The following FOXO3 variants were observed in gnomAD, a reference collection of about 807,000 sequenced individuals.
FOXO3 encodes the protein forkhead box O3.
In FOXO3, 4 loss-of-function variants were observed where a neutral mutation model predicts 41.9. The ratio of observed to expected loss-of-function variants is 0.10; its 90% confidence interval spans 0.05 to 0.22. FOXO3 has a LOEUF of 0.22. Ranked by LOEUF, FOXO3 falls within the 10% of genes least tolerant of loss-of-function variation. The pLI is 1.00. For missense variants in FOXO3, 534 were observed against 906.8 expected, an observed-to-expected ratio of 0.59 and a Z score of 5.28; for synonymous variants, 318 against 389.3, an observed-to-expected ratio of 0.82 and a Z score of 2.16.
At chr6:108,590,638 A>G (rs1776709934) in intron 1 of FOXO3, among the ~76,000 whole-genome samples, 1 of 152,184 alleles carries the variant, frequency 6.6e-6, no homozygotes, top group Non-Finnish European at 1.5e-5. Flanking sequence ...GGTAATTTGG[A>G]TGAGGGATAC....
chr6:108,656,671 T>C (rs1778697483), intron 1 of FOXO3: 1 of 199,368 alleles, frequency 5.0e-6, no homozygotes, highest in Admixed American at 6.5e-5. Flanking sequence ...AGCCAAGAGA[T>C]AGTCAAAGAA....
chr6:108,583,257 G>A (rs187463904), intron 1 of FOXO3, among the ~76,000 whole-genome samples: 70 of 152,288 alleles, frequency 4.6e-4, no homozygotes, highest in African/African-American at 1.7e-3. Flanking sequence ...TGGTGTGGGG[G>A]CATTCGGTGA....
Position 108,561,554 on chromosome 6 carries a change from G to A in FOXO3, c.346G>A (p.Ala116Thr). Reference protein sequence around the residue: ...QDPGSGPATAAGGLSGGTQAL... With the variant: ...QDPGSGPATATGGLSGGTQAL... ...CCCCGGGTCTGGGCCAGCCACCGCG[G>A]CGGGCGGGCTGAGCGGGGGTACACA... The change falls in exon 1 of 3, where the codon GCG becomes ACG. Residue 116 changes from alanine to threonine, a missense_variant. Ala to Thr is a moderately conservative substitution (Grantham distance 58, BLOSUM62 0). Around this residue, in one of 8 missense-constraint regions of FOXO3, gnomAD observed 139 missense variants for 163.7 expected, o/e 0.85. Transcript: ENST00000406360. 2.8e-6 allele frequency: 4 copies of A among 1,435,286 alleles called. No homozygotes were observed. Among genetic ancestry groups the A allele is most frequent in the South Asian group, 1.5e-5 (1 of 66,746 alleles). The allele number at this position is 1,435,286 out of a possible 1,614,324, so 88.9% of individuals were successfully genotyped here. A position where few individuals can be genotyped will look rare whatever the true frequency, so the allele number is the denominator to read the frequency against.
chr6:108,613,732 AT>A (rs58771554), intron 1 of FOXO3, among the ~76,000 whole-genome samples: 1,675 of 147,974 alleles, frequency 0.011, 33 homozygotes, highest in African/African-American at 0.038. Context: ...ACTTCCATTG[AT>A]TTTTTTTTTC....
intron 1 of FOXO3, among the ~76,000 whole-genome samples, chr6:108,576,370 A>G (rs1304405655): frequency 1.3e-5 from 2 of 152,214 alleles, no homozygotes; most frequent in Non-Finnish European, 2.9e-5. Context: ...AATTTTTAGT[A>G]GGTGTTCCTT....
chr6:108,569,745 G>A (rs1776040188), intron 1 of FOXO3, among the ~76,000 whole-genome samples: 1 of 152,124 alleles, frequency 6.6e-6, no homozygotes, highest in Non-Finnish European at 1.5e-5. Flanking sequence ...GTGGAGAGGT[G>A]AGCACAGAGT....
intron 2 of FOXO3, among the ~76,000 whole-genome samples, chr6:108,671,245 T>C (rs1243230411): frequency 6.6e-6 from 1 of 152,232 alleles, no homozygotes; most frequent in Non-Finnish European, 1.5e-5. Context: ...TGAATCCAGA[T>C]GCTGGTTTCT....
intron 1 of FOXO3, among the ~76,000 whole-genome samples, chr6:108,568,480 C>T (rs1776006708): frequency 6.6e-6 from 1 of 152,174 alleles, no homozygotes; most frequent in Non-Finnish European, 1.5e-5. Flanking sequence ...CCTGCCCACC[C>T]CATGGCTGCT....
intron 1 of FOXO3, chr6:108,639,452 A>C (rs1562253859): frequency 1.6e-6 from 1 of 625,852 alleles, no homozygotes; most frequent in Non-Finnish European, 2.0e-6. Context: ...GAAATGAAAG[A>C]AAGCCAATAA....
In FOXO3 at chr6:108,682,254, A is replaced by G. The variant is rs1170667323; in HGVS notation, c.*2462A>G. ...TAGCGTTTGTTGAATTTCAGGCAGA[A>G]TGTCTTACAGAATGTCCTAGAACCA... On this transcript the variant is annotated 3_prime_UTR_variant, in exon 3 of 3. Transcript: ENST00000406360. 2.0e-5 allele frequency: 3 copies of G among 151,326 alleles called. No individual in the cohort carries two copies. Among genetic ancestry groups the G allele is most frequent in the African/African-American group, 7.3e-5 (3 of 41,328 alleles). The allele number at this position is 151,326 out of a possible 1,614,324, so 9.4% of individuals were successfully genotyped here. A position where few individuals can be genotyped will look rare whatever the true frequency, so the allele number is the denominator to read the frequency against.
chr6:108,587,366 C>T (rs1012428732), intron 1 of FOXO3, among the ~76,000 whole-genome samples: 12 of 152,152 alleles, frequency 7.9e-5, no homozygotes, highest in African/African-American at 1.7e-4. Flanking sequence ...AGGGAAGAAT[C>T]GGTCCCAAAT....
intron 1 of FOXO3, among the ~76,000 whole-genome samples, chr6:108,581,558 A>G (rs2128360234): frequency 6.6e-6 from 1 of 152,324 alleles, no homozygotes; most frequent in African/African-American, 2.4e-5. Context: ...TTTCAGTTTC[A>G]GTCATGGAAC....
At chr6:108,611,675 G>T (rs976168998) in intron 1 of FOXO3, among the ~76,000 whole-genome samples, 2 of 147,166 alleles carry the variant, frequency 1.4e-5, no homozygotes, top group Non-Finnish European at 3.0e-5. Flanking sequence ...CTTTGGTGAC[G>T]TGTCTATTGA....
chr6:108,561,861 C>A, intron 1 of FOXO3, 32 bp downstream of exon 1: 1 of 1,508,368 alleles, frequency 6.6e-7, no homozygotes, highest in South Asian at 1.3e-5. Context: ...GCAGCAGGAC[C>A]CGCCGGGCCT....
upstream of FOXO3, chr6:108,560,781 C>A (rs904890468): frequency 3.2e-6 from 1 of 312,866 alleles, no homozygotes; most frequent in Admixed American, 5.1e-5. Context: ...CGCCCCTCCC[C>A]CGGGCGCCCC....
intron 1 of FOXO3, among the ~76,000 whole-genome samples, chr6:108,646,044 A>G (rs1436929661): frequency 6.6e-6 from 1 of 152,142 alleles, no homozygotes; most frequent in African/African-American, 2.4e-5. Context: ...CACTGTAAGA[A>G]GTGATTGATG....
rs573189257 is a variant in FOXO3, at chr6:108,629,650, T to C, written c.622-33805T>C. The stretch of plus-strand genomic sequence containing the variant: ...TAGTAAAACCTCTCCGGCAGAATTA[T>C]TTTATAATCTTTTTTTTAACACCTT... On this transcript the variant is annotated intron_variant, in intron 1 of 2. Transcript: ENST00000406360. 3.3e-5 allele frequency among the ~76,000 whole-genome samples: 5 copies of C among 152,286 alleles called. No homozygotes were observed. In the East Asian group the frequency reaches 9.6e-4, roughly 29 times the overall value.
chr6:108,659,324 C>A (rs544565617), intron 1 of FOXO3, among the ~76,000 whole-genome samples: 1 of 152,196 alleles, frequency 6.6e-6, no homozygotes, highest in African/African-American at 2.4e-5. Flanking sequence ...TGAAATGATT[C>A]TTTAGATAAT....
At chr6:108,571,890 AT>A (rs1297296108) in intron 1 of FOXO3, among the ~76,000 whole-genome samples, 2 of 152,236 alleles carry the variant, frequency 1.3e-5, no homozygotes. Context: ...AAAAGACTTT[AT>A]TTAGATTCAA....
Sources: gnomAD v4.1 joint callset for allele counts (sites outside exome capture counted in the v4.1 genomes callset) on GRCh38, gnomAD v4.1.1 for gene constraint, gnomAD v4.1.1 regional missense constraint, MANE v1.5 for transcripts, NCBI Gene and HGNC (gene_info 2026-07-23, HGNC 2026-07-21) for gene names.